Variants in NBAS observed in about 807,000 individuals in gnomAD.
NBAS encodes the protein NAG/BC035112 fusion.
NBAS carries 219 observed loss-of-function variants against 302.5 expected under a neutral mutation model. The ratio of observed to expected loss-of-function variants is 0.72; its 90% CI spans 0.65 to 0.81. The LOEUF (loss-of-function observed/expected upper bound fraction) is 0.81. Ranked by LOEUF, NBAS falls within the 30% of genes least tolerant of loss-of-function variation. The pLI is 0.00. For missense variants in NBAS, 2,932 were observed against 2,841.6 expected (o/e 1.03, Z -0.72); for synonymous variants, 1,118 against 1,021.6 (o/e 1.09, Z -1.80).
intron 43 of NBAS, among the ~76,000 whole-genome samples, chr2:15,276,050 G>A (rs1669569929): frequency 6.6e-6 from 1 of 152,102 alleles, no homozygotes; most frequent in African/African-American, 2.4e-5. Context: ...TCTTCTGTGT[G>A]CCTCCATCTC....
In NBAS at chr2:15,390,061, C is replaced by T. The variant is rs939289650; in HGVS notation, c.3257+4166G>A. Among the ~76,000 whole-genome samples, 3 of 152,030 alleles carry T rather than the reference C, an allele frequency of 2.0e-5. No homozygotes were observed. The East Asian group carries it at 5.8e-4, about 29-fold the overall frequency. On this transcript the variant is annotated intron_variant, in intron 28 of 51. Transcript: ENST00000281513. ...TCCCAAGATCTACGAAGGGTCCCCA[C>T]GAATATTCAGACAAGTAGAAGCCAT...
chr2:15,546,839 T>C (rs1664141495), intron 6 of NBAS, among the ~76,000 whole-genome samples: 1 of 152,160 alleles, frequency 6.6e-6, no homozygotes, highest in South Asian at 2.1e-4. Context: ...AACAGTAAAC[T>C]GATGAGGCTG....
At chr2:15,274,122 A>T (rs2148050807) in intron 44 of NBAS, among the ~76,000 whole-genome samples, 1 of 152,274 alleles carries the variant, frequency 6.6e-6, no homozygotes, top group East Asian at 1.9e-4. Context: ...AAAAACAAAA[A>T]ACATGATTAC....
In NBAS at chr2:15,356,396, G is replaced by A. The variant is rs368280415; in HGVS notation, c.3838C>T (p.Arg1280Trp). 3.2e-5 allele frequency: 51 copies of A among 1,613,580 alleles called. No individual in the cohort carries two copies. Among genetic ancestry groups the A allele is most frequent in the Non-Finnish European group, 3.8e-5 (45 of 1,179,730 alleles). ...ACTAAAAGGATTAGAACCTGTCCCC[G>A]CCTTTCTTCTGGGTTCTCACCTGTA... is the stretch of plus-strand genomic sequence containing the variant. Reference protein sequence around the residue: ...RVAGENPEERRGQVLILLVEQ... With the variant: ...RVAGENPEERWGQVLILLVEQ... The change falls in exon 33 of 52, where the codon CGG becomes TGG. Residue 1280 changes from arginine to tryptophan, a missense_variant. Coordinates refer to ENST00000281513, the MANE Select transcript of NBAS (RefSeq NM_015909.4).
At chr2:14,821,642 A>T in the NBAS span, among the ~76,000 whole-genome samples, 1 of 152,138 alleles carries the variant, frequency 6.6e-6, no homozygotes, top group Non-Finnish European at 1.5e-5. Context: ...CCAAGAAGAG[A>T]ACATTACTTG....
chr2:15,439,771 A>C (rs185468679), intron 21 of NBAS, among the ~76,000 whole-genome samples: 13 of 152,310 alleles, frequency 8.5e-5, no homozygotes. Flanking sequence ...GGGGTGACAG[A>C]CAGCACCTGG....
At chr2:14,981,536 T>C in the NBAS span, among the ~76,000 whole-genome samples, 1 of 152,228 alleles carries the variant, frequency 6.6e-6, no homozygotes, top group Non-Finnish European at 1.5e-5. Flanking sequence ...CTTCCTTCCG[T>C]CCACAAAGCT....
the NBAS span, among the ~76,000 whole-genome samples, chr2:14,849,760 A>G: frequency 7.0e-6 from 1 of 143,254 alleles, no homozygotes; most frequent in Non-Finnish European, 1.5e-5. Context: ...GCCAGAAGAG[A>G]GTGGGGGCCA....
the NBAS span, among the ~76,000 whole-genome samples, chr2:15,057,395 T>C: frequency 2.3e-5 from 1 of 43,234 alleles, no homozygotes; most frequent in South Asian, 6.3e-4. Context: ...TTTGATACCT[T>C]TTTTTTTTAA....
chr2:15,545,307 G>A (rs1473025204), intron 6 of NBAS, among the ~76,000 whole-genome samples: 1 of 152,098 alleles, frequency 6.6e-6, no homozygotes, highest in Non-Finnish European at 1.5e-5. Flanking sequence ...AATCCTGTAT[G>A]CAGAAGAAAG....
chr2:15,035,091 T>C, the NBAS span, among the ~76,000 whole-genome samples: 1 of 151,778 alleles, frequency 6.6e-6, no homozygotes, highest in Non-Finnish European at 1.5e-5. Context: ...AATCCTCTGC[T>C]GATGAGTATT....
At chr2:15,268,572 T>C (rs1314154712) in intron 44 of NBAS, among the ~76,000 whole-genome samples, 1 of 152,236 alleles carries the variant, frequency 6.6e-6, no homozygotes, top group Admixed American at 6.5e-5. Context: ...CACATGATAG[T>C]TCTGCTGGAC....
chr2:15,502,461 G>A (rs1431541054), intron 11 of NBAS, among the ~76,000 whole-genome samples: 4 of 152,194 alleles, frequency 2.6e-5, no homozygotes, highest in Non-Finnish European at 5.9e-5. Context: ...AATCTAGATG[G>A]GATAGCCTAC....
At chr2:14,815,335 A>T in the NBAS span, among the ~76,000 whole-genome samples, 1 of 152,202 alleles carries the variant, frequency 6.6e-6, no homozygotes, top group Non-Finnish European at 1.5e-5. Context: ...AACTACCAAG[A>T]ACTGCTAGAG....
chr2:15,463,876 T>A (rs1157376821), intron 19 of NBAS, among the ~76,000 whole-genome samples: 2 of 149,396 alleles, frequency 1.3e-5, no homozygotes, highest in Non-Finnish European at 3.0e-5. Flanking sequence ...TTAGAAATAA[T>A]CATATCATTG....
chr2:15,393,564 C>T (rs1675710747), intron 28 of NBAS: 3 of 399,694 alleles, frequency 7.5e-6, no homozygotes, highest in Non-Finnish European at 1.5e-5. Context: ...TAACTATTCA[C>T]TTACCAAATG....
At chr2:15,419,200 A>C (rs1422246426) in intron 23 of NBAS, among the ~76,000 whole-genome samples, 1 of 152,218 alleles carries the variant, frequency 6.6e-6, no homozygotes, top group Non-Finnish European at 1.5e-5. Context: ...GACATACAAG[A>C]AAAAGAATAT....
At chr2:15,343,106 G>GA (rs1204932056) in intron 35 of NBAS, among the ~76,000 whole-genome samples, 3 of 152,038 alleles carry the variant, frequency 2.0e-5, no homozygotes, top group Admixed American at 2.0e-4. Flanking sequence ...ACCCTGCAAA[G>GA]AAAAAACTTC....
chr2:14,892,230 C>T, the NBAS span, among the ~76,000 whole-genome samples: 1 of 152,082 alleles, frequency 6.6e-6, no homozygotes, highest in African/African-American at 2.4e-5. Context: ...CTTCAGCAAA[C>T]ACAATGGCCA....
Sources: gnomAD v4.1 joint callset for allele counts (sites outside exome capture counted in the v4.1 genomes callset) on GRCh38, gnomAD v4.1.1 for gene constraint, MANE v1.5 for transcripts, NCBI Gene and HGNC (gene_info 2026-07-23, HGNC 2026-07-21) for gene names.